Variants in PGM2L1 observed in about 807,000 individuals in gnomAD.
The protein encoded by PGM2L1 is phosphoglucomutase 2 like 1.
PGM2L1 carries 35 observed loss-of-function variants against 73.4 expected under a neutral mutation model. The ratio of observed to expected loss-of-function variants is 0.48; its 90% CI spans 0.36 to 0.63. PGM2L1 has a LOEUF of 0.63. Among genes scored for constraint, PGM2L1 ranks in the 30% least tolerant of loss-of-function variants. The pLI, the probability that PGM2L1 is intolerant of heterozygous loss-of-function variation, is 0.00. For synonymous variants in PGM2L1, 225 were observed against 253.8 expected (o/e 0.89, Z 1.08); for missense variants, 570 against 742.0 (o/e 0.77, Z 2.69).
At chr11:74,388,420 G>A (rs1204932027) in intron 1 of PGM2L1, among the ~76,000 whole-genome samples, 1 of 151,894 alleles carries the variant, frequency 6.6e-6, no homozygotes, top group Non-Finnish European at 1.5e-5. Flanking sequence ...TACATATAGA[G>A]CCATGCTATT....
At chr11:74,354,639 G>A in intron 5 of PGM2L1, 1 of 1,136,078 alleles carries the variant, frequency 8.8e-7, no homozygotes, top group Admixed American at 1.7e-5. Context: ...CCACTGTGGA[G>A]GAGGTGGATG....
chr11:74,343,638 A>C (rs1862217357), intron 9 of PGM2L1, among the ~76,000 whole-genome samples: 3 of 152,208 alleles, frequency 2.0e-5, no homozygotes, highest in Admixed American at 6.5e-5. Flanking sequence ...GTACTAGGTG[A>C]TTTACACCAA....
intron 11 of PGM2L1, 28 bp from the exon 12 acceptor site, chr11:74,342,678 T>C (rs377071753): frequency 8.1e-6 from 12 of 1,475,558 alleles, no homozygotes; most frequent in African/African-American, 5.7e-5. Context: ...GTGCTAAAAT[T>C]AGATTTCAGA....
chr11:74,396,793 G>C (rs1410868606), intron 1 of PGM2L1, among the ~76,000 whole-genome samples: 1 of 152,220 alleles, frequency 6.6e-6, no homozygotes, highest in African/African-American at 2.4e-5. Flanking sequence ...ATCCCCAGGT[G>C]ATCTATAAGC....
intron 1 of PGM2L1, among the ~76,000 whole-genome samples, chr11:74,390,645 T>C (rs1863088611): frequency 6.6e-6 from 1 of 152,126 alleles, no homozygotes; most frequent in African/African-American, 2.4e-5. Flanking sequence ...AAACCTACAA[T>C]GTAAAAAGAA....
intron 5 of PGM2L1, among the ~76,000 whole-genome samples, chr11:74,365,772 A>C (rs975819171): frequency 4.6e-5 from 7 of 152,226 alleles, no homozygotes; most frequent in African/African-American, 7.2e-5. Flanking sequence ...TGGGACTGTA[A>C]ACTAGTTCAA....
chr11:74,398,287 G>T lies in PGM2L1; in HGVS notation c.-126C>A, dbSNP rs1863214037. On this transcript the variant is annotated 5_prime_UTR_variant, in exon 1 of 14. Coordinates refer to ENST00000298198, the MANE Select transcript of PGM2L1 (RefSeq NM_173582.6). ...CACTGAAGGGCATCGGAGACCAACC[G>T]CAGGGTGTTCGTAACAGCTCCTGCC... is the stretch of plus-strand genomic sequence containing the variant. The T allele has an allele frequency of 2.2e-6, 3 of 1,365,328 alleles. No homozygotes were observed. The African/African-American group carries it at 4.4e-5, about 20-fold the overall frequency. 84.6% of individuals were successfully genotyped at this position (1,365,328 alleles called of 1,614,324 possible). A position where few individuals can be genotyped will look rare whatever the true frequency, so the allele number is the denominator to read the frequency against.
At chr11:74,381,574 T>C (rs11236084) in intron 1 of PGM2L1, among the ~76,000 whole-genome samples, 898 of 27,980 alleles carry the variant, frequency 0.032, 37 homozygotes, top group East Asian at 0.15. Flanking sequence ...TTTTTGTCTT[T>C]TTTTTTTTTT....
chr11:74,389,947 CAAAAAAAAA>C (rs71065078), intron 1 of PGM2L1, among the ~76,000 whole-genome samples: 2 of 38,572 alleles, frequency 5.2e-5, no homozygotes, highest in African/African-American at 2.3e-4. Context: ...ACTAAAAATA[CAAAAAAAAA>C]AAAAAAAAAA....
At chr11:74,345,774 G>A in intron 8 of PGM2L1, 125 bp from the exon 9 acceptor site, 1 of 819,628 alleles carries the variant, frequency 1.2e-6, no homozygotes, top group Non-Finnish European at 1.9e-6. Context: ...GGATTTTTGA[G>A]AAAACATTTA....
chr11:74,342,850 A>T, intron 11 of PGM2L1, 35 bp downstream of exon 11: 1 of 1,545,254 alleles, frequency 6.5e-7, no homozygotes, highest in South Asian at 1.2e-5. Flanking sequence ...TAAAAGAAAA[A>T]TCTAGCATGT....
intron 6 of PGM2L1, among the ~76,000 whole-genome samples, chr11:74,350,897 AAGAG>A (rs35421915): frequency 0.029 from 4,227 of 146,280 alleles, 88 homozygotes; most frequent in Non-Finnish European, 0.043. Flanking sequence ...GAAAGAAAGA[AAGAG>A]AGAGAGAGAG....
In PGM2L1 at chr11:74,353,627, A is replaced by G. The variant is rs187694378; in HGVS notation, c.556-2051T>C. Among the ~76,000 whole-genome samples the G allele has an allele frequency of 8.6e-3, 1,309 of 151,936 alleles. 10 individuals are homozygous for G. The highest frequency in any genetic ancestry group is 0.012 in the Non-Finnish European group (808 of 67,962). The stretch of plus-strand genomic sequence containing the variant: ...ATTTAACCCTGAGTGGACACAGCAC[A>G]TGTTTCAGAGAGCAAGGGGCTGGGG... On this transcript the variant is annotated intron_variant, in intron 5 of 13. Coordinates refer to ENST00000298198, the MANE Select transcript of PGM2L1 (RefSeq NM_173582.6).
At chr11:74,364,848 G>A (rs1252274184) in intron 5 of PGM2L1, among the ~76,000 whole-genome samples, 1 of 152,080 alleles carries the variant, frequency 6.6e-6, no homozygotes, top group African/African-American at 2.4e-5. Flanking sequence ...TTTCTTCACA[G>A]AATTGGAAAA....
intron 1 of PGM2L1, among the ~76,000 whole-genome samples, chr11:74,375,600 TA>T (rs1862842934): frequency 6.6e-6 from 1 of 152,166 alleles, no homozygotes; most frequent in Non-Finnish European, 1.5e-5. Context: ...TAAAAGGTGC[TA>T]AATATTACAG....
intron 2 of PGM2L1, among the ~76,000 whole-genome samples, chr11:74,373,587 C>T (rs950886028): frequency 9.2e-5 from 14 of 152,132 alleles, no homozygotes; most frequent in Non-Finnish European, 1.9e-4. Flanking sequence ...GAGTGAGCTG[C>T]ATAACAATGG....
chr11:74,366,617 T>C (rs1005257593), intron 5 of PGM2L1, among the ~76,000 whole-genome samples: 4 of 151,644 alleles, frequency 2.6e-5, no homozygotes, highest in African/African-American at 9.7e-5. Context: ...AATAAGCAAG[T>C]TGGCAAGATT....
Position 74,374,600 on chromosome 11 carries a change from T to G in PGM2L1, c.112-18A>C, listed in dbSNP as rs772479626. The stretch of plus-strand genomic sequence containing the variant: ...TTGGGATTCTATAAAAAAGAAGTAT[T>G]AAAACTTAACCAGGAATCCAAGCAG... On this transcript the variant is annotated intron_variant, in intron 1 of 13. Transcript: ENST00000298198. The G allele has an allele frequency of 3.7e-6, 6 of 1,607,664 alleles. No homozygotes were observed. In the South Asian group the frequency reaches 6.6e-5, roughly 18 times the overall value.
rs779908634 is a variant in PGM2L1, at chr11:74,338,618, C to G, written c.1633-17G>C. On this transcript the variant is annotated splice_polypyrimidine_tract_variant and intron_variant, in intron 12 of 13. Transcript: ENST00000298198. ...AGGCAGCACCTATGCAAAATGGCAA[C>G]AACAGCTTAATTATACTTGGCATCT... 6.4e-7 allele frequency: 1 copy of G among 1,570,582 alleles called. No individual in the cohort carries two copies. Among genetic ancestry groups the G allele is most frequent in the East Asian group, 2.3e-5 (1 of 44,286 alleles).
Sources: gnomAD v4.1 joint callset for allele counts (sites outside exome capture counted in the v4.1 genomes callset) on GRCh38, gnomAD v4.1.1 for gene constraint, MANE v1.5 for transcripts, NCBI Gene and HGNC (gene_info 2026-07-23, HGNC 2026-07-21) for gene names.